GPC5: variants seen among roughly 807,000 people sequenced by gnomAD.
GPC5 encodes glypican 5.
A neutral mutation model predicts 53.9 loss-of-function variants in GPC5; 47 were observed. The observed-to-expected ratio is 0.87, with a 90% CI of 0.69 to 1.11. The LOEUF is 1.11. GPC5 is among the 50% of genes most tolerant of loss of function. The pLI, the probability that GPC5 is intolerant of heterozygous loss-of-function variation, is 0.00. For synonymous variants in GPC5, 286 were observed against 263.3 expected (o/e 1.09, Z -0.84); for missense variants, 748 against 713.1 (o/e 1.05, Z -0.56).
rs879385754 is a variant in GPC5 at position 91,804,534 on chromosome 13, G to A, written c.1280+48114G>A. Among the ~76,000 whole-genome samples, 6 of 152,144 alleles carry A rather than the reference G, an allele frequency of 3.9e-5. 1 individual carries two copies. Among genetic ancestry groups the A allele is most frequent in the South Asian group, 4.1e-4 (2 of 4,824 alleles). ...CTAATGTTTTATTTAACTGATGCAC[G>A]CTTTCTGCTACTAGTTGCTGTTAGC... On this transcript the variant is annotated intron_variant, in intron 5 of 7. Coordinates refer to ENST00000377067, the MANE Select transcript of GPC5 (RefSeq NM_004466.6).
chr13:91,560,566 G>T (rs568597359), intron 2 of GPC5, among the ~76,000 whole-genome samples: 3 of 152,194 alleles, frequency 2.0e-5, no homozygotes, highest in African/African-American at 7.2e-5. Flanking sequence ...GTGTCCATGA[G>T]AACAAATAGA....
At chr13:92,538,544 T>C (rs1881802801) in intron 7 of GPC5, among the ~76,000 whole-genome samples, 1 of 148,446 alleles carries the variant, frequency 6.7e-6, no homozygotes, top group African/African-American at 2.5e-5. Flanking sequence ...ACATGTGCCA[T>C]GGTGGTTTGC....
chr13:91,814,545 A>T (rs60581180), intron 5 of GPC5, among the ~76,000 whole-genome samples: 13,897 of 151,538 alleles, frequency 0.092, 1,195 homozygotes, highest in East Asian at 0.22. Context: ...TTATTTATTT[A>T]TTTATTTATT....
intron 7 of GPC5, among the ~76,000 whole-genome samples, chr13:92,454,288 A>G (rs1878180550): frequency 6.6e-6 from 1 of 152,138 alleles, no homozygotes; most frequent in South Asian, 2.1e-4. Flanking sequence ...CTTTATCAAA[A>G]ATTGATTTAC....
chr13:92,188,249 G>T (rs2042198450), intron 7 of GPC5, among the ~76,000 whole-genome samples: 1 of 152,164 alleles, frequency 6.6e-6, no homozygotes, highest in African/African-American at 2.4e-5. Context: ...TGTATTGTTT[G>T]CTGATGGCAG....
rs1215814200 is a variant in GPC5 at position 91,929,829 on chromosome 13, G to A, written c.1401+21772G>A. Reference sequence around the variant, plus strand: ...GATTTTCTATTTTTTTTTTATTTACGACTTTGGAAACATTTCATGATTGTT... The same window carrying A: ...GATTTTCTATTTTTTTTTTATTTACAACTTTGGAAACATTTCATGATTGTT... On this transcript the variant is annotated intron_variant, in intron 6 of 7. Coordinates refer to ENST00000377067, the MANE Select transcript of GPC5 (RefSeq NM_004466.6). Among the ~76,000 whole-genome samples the A allele has an allele frequency of 2.7e-5, 4 of 150,778 alleles. No individual in the cohort carries two copies. In the South Asian group the frequency reaches 6.3e-4, roughly 24 times the overall value.
At chr13:92,041,114 A>G (rs149139102) in intron 6 of GPC5, among the ~76,000 whole-genome samples, 140 of 152,140 alleles carry the variant, frequency 9.2e-4, no homozygotes, top group Middle Eastern at 3.4e-3. Context: ...GGCCTCCCAA[A>G]GTGCTGAGAT....
At chr13:92,154,302 G>A (rs371608531) in intron 7 of GPC5, among the ~76,000 whole-genome samples, 1 of 152,048 alleles carries the variant, frequency 6.6e-6, no homozygotes, top group East Asian at 1.9e-4. Context: ...CAACACTAGG[G>A]ATCACATTTC....
At chr13:91,719,271 C>G (rs900515544) in intron 3 of GPC5, among the ~76,000 whole-genome samples, 1 of 152,220 alleles carries the variant, frequency 6.6e-6, no homozygotes, top group African/African-American at 2.4e-5. Context: ...CTTGGCCTGC[C>G]TCCACAGATG....
chr13:92,121,477 C>G (rs1179565447), intron 6 of GPC5, among the ~76,000 whole-genome samples: 1 of 152,186 alleles, frequency 6.6e-6, no homozygotes. Context: ...CTCAAGAATA[C>G]TTAGGTGATT....
chr13:92,215,104 A>C (rs888509058), intron 7 of GPC5, among the ~76,000 whole-genome samples: 1 of 152,218 alleles, frequency 6.6e-6, no homozygotes, highest in African/African-American at 2.4e-5. Flanking sequence ...TTGAAACCCT[A>C]AAAGGGAGAT....
intron 2 of GPC5, among the ~76,000 whole-genome samples, chr13:91,548,080 C>G (rs900662866): frequency 6.6e-6 from 1 of 152,090 alleles, no homozygotes; most frequent in Non-Finnish European, 1.5e-5. Context: ...TCTCTCTCAC[C>G]TCTCCTTTTC....
At chr13:92,130,424 T>C (rs2041733808) in intron 6 of GPC5, among the ~76,000 whole-genome samples, 1 of 151,666 alleles carries the variant, frequency 6.6e-6, no homozygotes, top group South Asian at 2.1e-4. Flanking sequence ...AACTATATGA[T>C]TAACACATTT....
intron 2 of GPC5, among the ~76,000 whole-genome samples, chr13:91,501,243 T>G (rs1350514519): frequency 3.5e-5 from 5 of 141,354 alleles, no homozygotes; most frequent in Non-Finnish European, 5.9e-5. Flanking sequence ...AGACTTTGTT[T>G]TTTTTTTTTT....
At chr13:91,798,571 T>C (rs897890332) in intron 5 of GPC5, among the ~76,000 whole-genome samples, 1 of 152,236 alleles carries the variant, frequency 6.6e-6, no homozygotes, top group Admixed American at 6.5e-5. Context: ...TGTACCACAT[T>C]GTCTTTATCC....
At chr13:92,189,392 C>T (rs970687869) in intron 7 of GPC5, among the ~76,000 whole-genome samples, 5 of 152,076 alleles carry the variant, frequency 3.3e-5, no homozygotes, top group African/African-American at 7.2e-5. Context: ...CACCTCCAGC[C>T]GTTCTGTCCC....
At chr13:91,890,882 C>T (rs1174951773) in intron 5 of GPC5, among the ~76,000 whole-genome samples, 1 of 152,122 alleles carries the variant, frequency 6.6e-6, no homozygotes, top group Non-Finnish European at 1.5e-5. Flanking sequence ...GTATCAGCAT[C>T]TTGGGAAAAG....
chr13:92,538,415 C>T (rs1881796957), intron 7 of GPC5, among the ~76,000 whole-genome samples: 1 of 150,776 alleles, frequency 6.6e-6, no homozygotes, highest in Non-Finnish European at 1.5e-5. Flanking sequence ...TTCTTCCCTA[C>T]CTCTCTTCCT....
At chr13:92,624,244 AT>A (rs1414345307) in intron 7 of GPC5, among the ~76,000 whole-genome samples, 1 of 151,678 alleles carries the variant, frequency 6.6e-6, no homozygotes, top group Non-Finnish European at 1.5e-5. Flanking sequence ...TAATTTTTGT[AT>A]TTTTATTAGA....
Sources: allele counts gnomAD v4.1 joint callset (sites outside exome capture counted in the v4.1 genomes callset), GRCh38; gene constraint gnomAD v4.1.1; transcripts MANE v1.5; gene names NCBI Gene and HGNC (gene_info 2026-07-23, HGNC 2026-07-21).